MTMR14: variants seen among roughly 807,000 people sequenced by gnomAD.
MTMR14 encodes phosphatidylinositol-3,5-bisphosphate 3-phosphatase MTMR14.
A neutral mutation model predicts 86.3 loss-of-function variants in MTMR14; 48 were observed. The ratio of observed to expected loss-of-function variants is 0.56; its 90% CI spans 0.44 to 0.71. The LOEUF is 0.71. Ranked by LOEUF, MTMR14 falls within the 30% of genes least tolerant of loss-of-function variation. MTMR14 has a pLI of 0.00. For missense variants in MTMR14, 780 were observed against 834.6 expected, an observed-to-expected ratio of 0.93 and a Z score of 0.81; for synonymous variants, 366 against 326.1, an observed-to-expected ratio of 1.12 and a Z score of -1.32.
chr3:9,679,699 C>A (rs1454096652), intron 9 of MTMR14, among the ~76,000 whole-genome samples: 1 of 152,178 alleles, frequency 6.6e-6, no homozygotes, highest in Non-Finnish European at 1.5e-5. Flanking sequence ...TTGGCAGTAC[C>A]TATTTCAGAG....
chr3:9,649,865 G>A, intron 1 of MTMR14, 123 bp downstream of exon 1: 1 of 1,544,914 alleles, frequency 6.5e-7, no homozygotes, highest in Non-Finnish European at 8.7e-7. Flanking sequence ...AGAGGAGAGA[G>A]AGAGAGGAGT....
At chr3:9,697,596 G>A (rs2076320346) in intron 17 of MTMR14, 115 bp from the exon 18 acceptor site, 3 of 1,189,844 alleles carry the variant, frequency 2.5e-6, no homozygotes, top group East Asian at 2.4e-5. Flanking sequence ...TGGAGACAGT[G>A]ATTGACAACA....
chr3:9,650,863 C>A (rs1267324367), intron 1 of MTMR14, among the ~76,000 whole-genome samples: 1 of 151,346 alleles, frequency 6.6e-6, no homozygotes, highest in African/African-American at 2.4e-5. Flanking sequence ...TCTCAGCTTA[C>A]TGCATCCTCC....
rs1294581423 is a variant in MTMR14, at chr3:9,697,865, C to A, written c.1768C>A (p.Leu590Met). The A allele has an allele frequency of 1.2e-6, 2 of 1,614,166 alleles. No individual in the cohort carries two copies. The highest frequency in any genetic ancestry group is 1.1e-5 in the South Asian group (1 of 91,082). ...SFPDELPNSC[L>M]LAALSDRETR... ...CCCGGATGAGCTCCCTAACAGTTGTCTGTAAGTGTCTTGCTTGAGAAGGCA... is the reference window on the plus strand; with the variant it reads ...CCCGGATGAGCTCCCTAACAGTTGTATGTAAGTGTCTTGCTTGAGAAGGCA... Residue 590 changes from leucine to methionine, a missense_variant and splice_region_variant, in exon 18 of 19, where the codon CTG becomes ATG. By Grantham distance (15) the Leu-to-Met change is conservative. Coordinates refer to ENST00000296003, the MANE Select transcript of MTMR14 (RefSeq NM_001077525.3).
chr3:9,670,233 A>G (rs1375811189), intron 5 of MTMR14, among the ~76,000 whole-genome samples: 4 of 152,244 alleles, frequency 2.6e-5, no homozygotes, highest in African/African-American at 9.6e-5. Context: ...ATGAAAGGGC[A>G]TCTTGCTATG....
chr3:9,682,932 A>ACCCC (rs542468520), intron 9 of MTMR14, among the ~76,000 whole-genome samples: 15 of 143,568 alleles, frequency 1.0e-4, no homozygotes, highest in African/African-American at 3.6e-4. Context: ...ATTGGGTCAG[A>ACCCC]GCCCCCCCCC....
At chr3:9,686,183 G>A (rs768172303) in intron 13 of MTMR14, among the ~76,000 whole-genome samples, 3 of 152,170 alleles carry the variant, frequency 2.0e-5, no homozygotes, top group Admixed American at 2.0e-4. Flanking sequence ...TATCGCGTCT[G>A]CCAGGGCTGT....
At position 9,691,877 on chromosome 3, in the gene MTMR14, A is replaced by G. The variant is rs75428525; in HGVS notation, c.1613+1734A>G. 3.7e-3 allele frequency among the ~76,000 whole-genome samples: 559 copies of G among 152,188 alleles called. 1 individual carries two copies. The highest frequency in any genetic ancestry group is 0.013 in the African/African-American group (540 of 41,512). ...ACCAAGATGGGTGCAAGGCTTTGAAAGGTGTGGGGTGGGCAGCTGTGAGGT... is the reference window on the plus strand; with the variant it reads ...ACCAAGATGGGTGCAAGGCTTTGAAGGGTGTGGGGTGGGCAGCTGTGAGGT... On this transcript the variant is annotated intron_variant, in intron 17 of 18. Coordinates refer to ENST00000296003, the MANE Select transcript of MTMR14 (RefSeq NM_001077525.3).
At chr3:9,686,489 C>T (rs555314558) in intron 13 of MTMR14, among the ~76,000 whole-genome samples, 2 of 152,146 alleles carry the variant, frequency 1.3e-5, no homozygotes, top group African/African-American at 4.8e-5. Flanking sequence ...TTCTGTTACC[C>T]CCCCCAGACA....
chr3:9,668,908 G>A, intron 4 of MTMR14, 114 bp downstream of exon 4: 1 of 1,067,508 alleles, frequency 9.4e-7, no homozygotes, highest in Non-Finnish European at 1.4e-6. Flanking sequence ...GGGAGGCCAA[G>A]GCGAGCGGAT....
At chr3:9,687,946 C>A in intron 14 of MTMR14, 55 bp downstream of exon 14, 2 of 1,452,076 alleles carry the variant, frequency 1.4e-6, no homozygotes, top group Non-Finnish European at 1.9e-6. Flanking sequence ...AGAAGGGCTG[C>A]TCCCTGGGAG....
Position 9,669,415 on chromosome 3 carries a change from A to G in MTMR14, c.494-17A>G. 1 of 1,613,536 alleles carries G rather than the reference A, an allele frequency of 6.2e-7. No individual in the cohort carries two copies. Among genetic ancestry groups the G allele is most frequent in the Non-Finnish European group, 8.5e-7 (1 of 1,179,696 alleles). On this transcript the variant is annotated splice_polypyrimidine_tract_variant and intron_variant, in intron 4 of 18. Coordinates refer to ENST00000296003, the MANE Select transcript of MTMR14 (RefSeq NM_001077525.3). ...GGGTCACCAGCCTCAGTACTGACAG[A>G]TAGGTTTCTCTGGCAGGGGGTGCAG...
chr3:9,662,188 G>C, intron 2 of MTMR14, 79 bp from the exon 3 acceptor site: 1 of 987,852 alleles, frequency 1.0e-6, no homozygotes, highest in Non-Finnish European at 1.6e-6. Flanking sequence ...CTAGTATGGG[G>C]GTCTGTGTGA....
intron 17 of MTMR14, among the ~76,000 whole-genome samples, chr3:9,692,785 G>C (rs940114694): frequency 5.9e-5 from 9 of 152,214 alleles, no homozygotes; most frequent in African/African-American, 2.2e-4. Flanking sequence ...ACCAACCTCT[G>C]CTGCCCAGTT....
intron 7 of MTMR14, among the ~76,000 whole-genome samples, chr3:9,673,457 G>A (rs913871380): frequency 6.6e-6 from 1 of 152,218 alleles, no homozygotes; most frequent in Admixed American, 6.5e-5. Flanking sequence ...ATACCTGCCT[G>A]TTTAGTAAGG....
At chr3:9,690,534 C>T (rs1575069493) in intron 17 of MTMR14, among the ~76,000 whole-genome samples, 1 of 152,262 alleles carries the variant, frequency 6.6e-6, no homozygotes, top group African/African-American at 2.4e-5. Flanking sequence ...ATTGGTGGGG[C>T]AGTGAGAACA....
At chr3:9,687,789 C>T (rs529532434) in intron 13 of MTMR14, 32 bp from the exon 14 acceptor site, 275 of 1,551,610 alleles carry the variant, frequency 1.8e-4, no homozygotes, top group Non-Finnish European at 2.3e-4. Context: ...CTTGGTTCTT[C>T]TCATTGTGCG....
intron 10 of MTMR14, chr3:9,683,759 C>G (rs887973702): frequency 6.4e-6 from 1 of 157,096 alleles, no homozygotes; most frequent in African/African-American, 2.4e-5. Flanking sequence ...CTTGCTCAAA[C>G]AAGTGGAAAT....
chr3:9,664,578 T>C (rs1161692466), intron 3 of MTMR14, among the ~76,000 whole-genome samples: 2 of 152,136 alleles, frequency 1.3e-5, no homozygotes, highest in East Asian at 1.9e-4. Context: ...TGAAAAATAA[T>C]GAGATCCTGT....
Sources: allele counts gnomAD v4.1 joint callset (sites outside exome capture counted in the v4.1 genomes callset), GRCh38; gene constraint gnomAD v4.1.1; transcripts MANE v1.5; gene names NCBI Gene and HGNC (gene_info 2026-07-23, HGNC 2026-07-21).